The following PCDHA9 variants were observed in gnomAD, a reference collection of about 807,000 sequenced individuals.
The protein encoded by PCDHA9 is protocadherin alpha-9.
In PCDHA9, 62 loss-of-function variants were observed where a neutral mutation model predicts 62.0. The ratio of observed to expected loss-of-function variants is 1.00; its 90% confidence interval spans 0.81 to 1.23. The LOEUF is 1.23. Among genes scored for constraint, PCDHA9 ranks in the 50% most tolerant of loss-of-function variants. The probability of loss-of-function intolerance (pLI) is 0.00; values close to 1 mark genes in which losing one functional copy is unlikely to be tolerated. For missense variants in PCDHA9, 1,205 were observed against 1,249.8 expected, an observed-to-expected ratio of 0.96 and a Z score of 0.54; for synonymous variants, 557 against 567.6, an observed-to-expected ratio of 0.98 and a Z score of 0.27.
chr5:140,917,999 A>T (rs1292582356), intron 1 of PCDHA9, among the ~76,000 whole-genome samples: 2 of 152,162 alleles, frequency 1.3e-5, no homozygotes, highest in African/African-American at 4.8e-5. Context: ...GGTTATCTTA[A>T]CAATGTTGTT....
In PCDHA9 at chr5:140,968,804, G is replaced by T. The variant is rs147800392; in HGVS notation, c.2395-10145G>T. ...AGCCTCTGTGGCCATTACAGTAGCT[G>T]TGGTGGATAGGGTTTCCAAAATCCT... On this transcript the variant is annotated intron_variant, in intron 1 of 3. Transcript: ENST00000532602. 703 of 1,614,106 alleles carry T rather than the reference G, an allele frequency of 4.4e-4. No homozygotes were observed. The highest frequency in any genetic ancestry group is 5.7e-4 in the Non-Finnish European group (677 of 1,180,052).
intron 1 of PCDHA9, among the ~76,000 whole-genome samples, chr5:140,940,207 G>C (rs1554213216): frequency 2.6e-5 from 4 of 152,094 alleles, no homozygotes; most frequent in Non-Finnish European, 5.9e-5. Context: ...TAAAATTCAA[G>C]ATTGGCATTT....
chr5:140,851,003 GA>G (rs2041919886), intron 1 of PCDHA9, 114 bp downstream of exon 1: 1 of 1,437,650 alleles, frequency 7.0e-7, no homozygotes. Flanking sequence ...AAATCCAGCA[GA>G]TTTTTTTTCT....
At position 140,849,862 on chromosome 5, in the gene PCDHA9, C is replaced by T. The variant is rs2150454518; in HGVS notation, c.1367C>T (p.Ala456Val). The change falls in exon 1 of 4, where the codon GCG becomes GTG. Residue 456 changes from alanine (A) to valine (V), a missense_variant. This residue lies in a region of PCDHA9 where 887 missense variants were observed against 809.5 expected (regional missense o/e 1.10). Transcript: ENST00000532602. ...GTGAACGACAACGCACCAGCGTTCGCGCAGTCCGAGTACACGGTGTTCGTG... is the reference window on the plus strand; with the variant it reads ...GTGAACGACAACGCACCAGCGTTCGTGCAGTCCGAGTACACGGTGTTCGTG... ...ADVNDNAPAF[A>V]QSEYTVFVKE... The T allele has an allele frequency of 6.3e-7, 1 of 1,598,598 alleles. No homozygotes were observed. Among genetic ancestry groups the T allele is most frequent in the African/African-American group, 1.3e-5 (1 of 74,538 alleles).
chr5:140,919,982 G>A (rs2079388824), intron 1 of PCDHA9, among the ~76,000 whole-genome samples: 2 of 151,998 alleles, frequency 1.3e-5, no homozygotes, highest in Admixed American at 6.5e-5. Context: ...GATAGAAGAT[G>A]GAAAACAGAC....
chr5:140,899,230 G>A (rs1487839667), intron 1 of PCDHA9, among the ~76,000 whole-genome samples: 4 of 152,058 alleles, frequency 2.6e-5, no homozygotes, highest in Admixed American at 6.5e-5. Flanking sequence ...ACACTATGTT[G>A]AATAGGAGTG....
chr5:140,937,599 A>T (rs2091614434), intron 1 of PCDHA9, among the ~76,000 whole-genome samples: 3 of 151,728 alleles, frequency 2.0e-5, no homozygotes, highest in African/African-American at 7.3e-5. Context: ...CCTGGGCAAC[A>T]GAGTGATACT....
At chr5:140,945,760 G>T (rs2093839081) in intron 1 of PCDHA9, among the ~76,000 whole-genome samples, 2 of 152,154 alleles carry the variant, frequency 1.3e-5, no homozygotes, top group East Asian at 1.9e-4. Flanking sequence ...AAATGGTGGT[G>T]GGACAATTTG....
intron 1 of PCDHA9, among the ~76,000 whole-genome samples, chr5:140,933,543 A>C (rs888580290): frequency 6.6e-6 from 1 of 152,092 alleles, no homozygotes; most frequent in Non-Finnish European, 1.5e-5. Flanking sequence ...AATAATGTTA[A>C]TATAAAATAA....
At chr5:140,884,396 C>G in intron 1 of PCDHA9, 1 of 1,614,012 alleles carries the variant, frequency 6.2e-7, no homozygotes, top group Non-Finnish European at 8.5e-7. Flanking sequence ...GGTGTCCAGC[C>G]TGTTGGTGCT....
chr5:140,999,125 G>A (rs1554256627), intron 3 of PCDHA9, among the ~76,000 whole-genome samples: 1 of 152,152 alleles, frequency 6.6e-6, no homozygotes, highest in Non-Finnish European at 1.5e-5. Context: ...TTCTAAGCTG[G>A]AAAATGTCAC....
At chr5:140,857,067 T>G (rs1245365064) in intron 1 of PCDHA9, 2 of 1,596,142 alleles carry the variant, frequency 1.3e-6, no homozygotes, top group East Asian at 2.2e-5. Context: ...GTGGAACTAC[T>G]GGATGAAAAT....
At chr5:140,927,926 T>C (rs782407263) in intron 1 of PCDHA9, 2 of 1,614,212 alleles carry the variant, frequency 1.2e-6, no homozygotes, top group East Asian at 2.2e-5. Context: ...TTCCTGACTC[T>C]TTCGAACCCA....
intron 1 of PCDHA9, among the ~76,000 whole-genome samples, chr5:140,954,835 A>G (rs1256515583): frequency 1.3e-5 from 2 of 152,146 alleles, no homozygotes; most frequent in Admixed American, 6.5e-5. Flanking sequence ...TTTTGTCATG[A>G]AATCTTTGCC....
At chr5:140,891,040 C>G (rs2062916193) in intron 1 of PCDHA9, among the ~76,000 whole-genome samples, 1 of 144,978 alleles carries the variant, frequency 6.9e-6, no homozygotes, top group Admixed American at 6.6e-5. Context: ...TTAGGTGTGA[C>G]CCCCACAGCA....
chr5:140,988,423 T>G (rs2097297373), intron 3 of PCDHA9, among the ~76,000 whole-genome samples: 2 of 152,176 alleles, frequency 1.3e-5, no homozygotes. Context: ...GTAAAGAATT[T>G]GTTTGTTTTG....
In PCDHA9 at chr5:140,966,434, C is replaced by G. The variant is rs889087342; in HGVS notation, c.2395-12515C>G. 9 of 423,984 alleles carry G rather than the reference C, an allele frequency of 2.1e-5. No individual in the cohort carries two copies. In the Admixed American group the frequency reaches 3.9e-4, roughly 19 times the overall value. The allele number at this position is 423,984 out of a possible 1,614,324, so 26.3% of individuals were successfully genotyped here. On this transcript the variant is annotated intron_variant, in intron 1 of 3. Coordinates refer to ENST00000532602, the MANE Select transcript of PCDHA9 (RefSeq NM_031857.2). ...GAGCAGGACTTGCTGAGCCCTCCTA[C>G]CGCTCCCTTTCCCCCTCCCCCTCTG...
rs200441286 is a variant in PCDHA9, at chr5:140,856,169, G to A, written c.2394+5280G>A. 1.9e-6 allele frequency: 3 copies of A among 1,598,230 alleles called. 1 individual carries two copies. The highest frequency in any genetic ancestry group is 2.6e-6 in the Non-Finnish European group (3 of 1,167,916). On this transcript the variant is annotated intron_variant, in intron 1 of 3. Transcript: ENST00000532602. ...CTCAGTCTACGAGGAGGCCAGACACGGCACCTTCGTGGGCCGCATCGCGCA... is the reference window on the plus strand; with the variant it reads ...CTCAGTCTACGAGGAGGCCAGACACAGCACCTTCGTGGGCCGCATCGCGCA...
At chr5:141,007,030 A>G (rs1554261014) in intron 3 of PCDHA9, among the ~76,000 whole-genome samples, 1 of 152,186 alleles carries the variant, frequency 6.6e-6, no homozygotes, top group African/African-American at 2.4e-5. Flanking sequence ...TATGGTATTT[A>G]TATCTATGGA....
Sources: allele counts gnomAD v4.1 joint callset (sites outside exome capture counted in the v4.1 genomes callset), GRCh38; gene constraint gnomAD v4.1.1; regional missense constraint gnomAD v4.1.1; transcripts MANE v1.5; gene names NCBI Gene and HGNC (gene_info 2026-07-23, HGNC 2026-07-21).